The following PACSIN2 variants were observed in gnomAD, a reference collection of about 807,000 sequenced individuals.
The protein encoded by PACSIN2 is protein kinase C and casein kinase substrate in neurons 2.
A neutral mutation model predicts 63.8 loss-of-function variants in PACSIN2; 25 were observed. The observed-to-expected ratio is 0.39, with a 90% CI of 0.29 to 0.55. The LOEUF (loss-of-function observed/expected upper bound fraction) is 0.55, where lower values mean the gene tolerates loss of function less well. Among genes scored for constraint, PACSIN2 ranks in the 20% least tolerant of loss-of-function variants. The pLI is 0.62. For synonymous variants in PACSIN2, 255 were observed against 256.2 expected, an observed-to-expected ratio of 1.00 and a Z score of 0.05; for missense variants, 518 against 646.9, an observed-to-expected ratio of 0.80 and a Z score of 2.16.
In PACSIN2 at chr22:42,891,135, C is replaced by T. The variant is rs757302705; in HGVS notation, c.265G>A (p.Glu89Lys). The T allele has an allele frequency of 2.1e-5, 34 of 1,613,958 alleles. No individual in the cohort carries two copies. The highest frequency in any genetic ancestry group is 5.0e-5 in the Admixed American group (3 of 60,006). The change falls in exon 4 of 11, where the codon GAG becomes AAG. Residue 89 changes from glutamate (E) to lysine (K), a missense_variant. Physicochemically the swap from Glu to Lys is moderately conservative, Grantham distance 56. Transcript: ENST00000263246. The stretch of plus-strand genomic sequence containing the variant: ...TGCAGCTCGCTCACCCTCTCTGCCT[C>T]GGACATGAAGGCCATCCAGGCCTTC... Reference protein sequence around the residue: ...VEKAWMAFMSEAERVSELHLE... With the variant: ...VEKAWMAFMSKAERVSELHLE...
At chr22:43,002,858 T>C (rs1923852658) in intron 1 of PACSIN2, among the ~76,000 whole-genome samples, 1 of 152,242 alleles carries the variant, frequency 6.6e-6, no homozygotes, top group Non-Finnish European at 1.5e-5. Flanking sequence ...AATAATCTTT[T>C]TGAAGATGAA....
At chr22:42,922,017 G>A (rs897732440) in intron 1 of PACSIN2, among the ~76,000 whole-genome samples, 1 of 152,234 alleles carries the variant, frequency 6.6e-6, no homozygotes, top group Non-Finnish European at 1.5e-5. Context: ...GGGATTACAG[G>A]TGTGAGCCAC....
chr22:42,935,712 C>G (rs1330787452), intron 1 of PACSIN2, among the ~76,000 whole-genome samples: 6 of 152,000 alleles, frequency 3.9e-5, no homozygotes, highest in Non-Finnish European at 1.5e-5. Flanking sequence ...AGAACAGGTT[C>G]ACGGGCCAGA....
At chr22:42,936,450 A>T (rs567187205) in intron 1 of PACSIN2, among the ~76,000 whole-genome samples, 1 of 152,314 alleles carries the variant, frequency 6.6e-6, no homozygotes, top group South Asian at 2.1e-4. Context: ...TCCCTTGTTC[A>T]TGGAGCAGAT....
At chr22:42,946,192 C>T (rs1933411448) in intron 1 of PACSIN2, among the ~76,000 whole-genome samples, 2 of 152,206 alleles carry the variant, frequency 1.3e-5, no homozygotes, top group Admixed American at 1.3e-4. Flanking sequence ...ACTTTTATAA[C>T]ATAAAGAAGT....
intron 1 of PACSIN2, among the ~76,000 whole-genome samples, chr22:42,960,778 G>A (rs1934105224): frequency 1.3e-5 from 2 of 152,120 alleles, no homozygotes; most frequent in African/African-American, 4.8e-5. Flanking sequence ...ACTGGCTATG[G>A]GTGTGCTGGG....
intron 1 of PACSIN2, among the ~76,000 whole-genome samples, chr22:42,931,520 C>T (rs3788601): frequency 0.63 from 95,380 of 152,002 alleles, 31,011 homozygotes; most frequent in East Asian, 0.82. Flanking sequence ...TGGAGGAACA[C>T]AGTCAGCGTC....
At chr22:42,926,076 A>G (rs1441397420) in intron 1 of PACSIN2, among the ~76,000 whole-genome samples, 1 of 152,232 alleles carries the variant, frequency 6.6e-6, no homozygotes, top group Non-Finnish European at 1.5e-5. Flanking sequence ...TAAGAGCTCA[A>G]CTACCTGGCA....
intron 1 of PACSIN2, among the ~76,000 whole-genome samples, chr22:42,970,273 G>A (rs1921156137): frequency 6.6e-6 from 1 of 152,210 alleles, no homozygotes; most frequent in African/African-American, 2.4e-5. Context: ...TGCCTCCTGA[G>A]ATGATGTAAT....
chr22:42,978,152 G>C (rs577155260), intron 1 of PACSIN2, among the ~76,000 whole-genome samples: 1 of 152,222 alleles, frequency 6.6e-6, no homozygotes, highest in Admixed American at 6.5e-5. Flanking sequence ...TCAATTATTT[G>C]TTATCAAAAG....
At chr22:42,902,818 TGG>T (rs1166905947) in intron 2 of PACSIN2, among the ~76,000 whole-genome samples, 2 of 152,224 alleles carry the variant, frequency 1.3e-5, no homozygotes, top group Non-Finnish European at 2.9e-5. Context: ...TTCGCCATGT[TGG>T]CCAGGCTGGT....
chr22:42,871,521 G>A lies in PACSIN2; in HGVS notation c.1349-52C>T. On this transcript the variant is annotated intron_variant, in intron 10 of 10. Transcript: ENST00000263246. The surrounding 1 kb of genome is among the most constrained non-coding windows in gnomAD (Gnocchi z 5.4). ...CATGAGAGGTATGACACCGACGGTGGGCTACAGAGCCGCATTCACGAGCTT... is the reference window on the plus strand; with the variant it reads ...CATGAGAGGTATGACACCGACGGTGAGCTACAGAGCCGCATTCACGAGCTT... The A allele has an allele frequency of 7.2e-7, 1 of 1,388,102 alleles. No homozygotes were observed. The allele number at this position is 1,388,102 out of a possible 1,614,324, so 86.0% of individuals were successfully genotyped here. A position where few individuals can be genotyped will look rare whatever the true frequency, so the allele number is the denominator to read the frequency against.
chr22:42,923,170 T>A (rs934004169), intron 1 of PACSIN2, among the ~76,000 whole-genome samples: 2 of 152,220 alleles, frequency 1.3e-5, no homozygotes, highest in Non-Finnish European at 2.9e-5. Context: ...GTTTTAAAAA[T>A]GAGAACATAT....
intron 1 of PACSIN2, among the ~76,000 whole-genome samples, chr22:42,928,815 T>C: frequency 6.6e-6 from 1 of 152,216 alleles, no homozygotes; most frequent in Admixed American, 6.5e-5. Context: ...TCTGAAGTCA[T>C]TTTTTACACT....
At chr22:42,886,475 C>T (rs1929496840) in intron 5 of PACSIN2, among the ~76,000 whole-genome samples, 1 of 151,932 alleles carries the variant, frequency 6.6e-6, no homozygotes, top group African/African-American at 2.4e-5. Context: ...TACCTACTTA[C>T]CTACTTTAGA....
intron 1 of PACSIN2, among the ~76,000 whole-genome samples, chr22:42,935,082 A>ATT (rs780923075): frequency 5.0e-5 from 7 of 139,956 alleles, no homozygotes; most frequent in Non-Finnish European, 6.2e-5. Flanking sequence ...CGCCCGGCTA[A>ATT]TTTTTTTTTT....
At chr22:42,920,920 G>A (rs539268250) in intron 1 of PACSIN2, among the ~76,000 whole-genome samples, 4 of 147,934 alleles carry the variant, frequency 2.7e-5, no homozygotes, top group African/African-American at 1.0e-4. Context: ...CTCCCACCTC[G>A]GCCTCCCCAG....
intron 1 of PACSIN2, among the ~76,000 whole-genome samples, chr22:42,975,610 TC>T (rs1051669823): frequency 6.6e-5 from 6 of 91,032 alleles, no homozygotes; most frequent in South Asian, 3.6e-4. Context: ...GTATAAGTAT[TC>T]TTTTTTTTTT....
intron 6 of PACSIN2, 39 bp from the exon 7 acceptor site, chr22:42,882,343 G>T (rs770944057): frequency 7.6e-6 from 12 of 1,579,588 alleles, no homozygotes; most frequent in Non-Finnish European, 1.0e-5. Flanking sequence ...AGAAGGCAGG[G>T]GCCAGCTACC....
Sources: allele counts gnomAD v4.1 joint callset (sites outside exome capture counted in the v4.1 genomes callset), GRCh38; gene constraint gnomAD v4.1.1; non-coding constraint Gnocchi (gnomAD v3.1); transcripts MANE v1.5; gene names NCBI Gene and HGNC (gene_info 2026-07-23, HGNC 2026-07-21).